Variants in DNMBP observed in about 807,000 individuals in gnomAD.
The protein encoded by DNMBP is dynamin binding protein, also known as dynamin-binding protein.
In DNMBP, 87 loss-of-function variants were observed where a neutral mutation model predicts 150.0. The observed-to-expected ratio is 0.58, with a 90% CI of 0.49 to 0.69. DNMBP has a LOEUF of 0.69. Among genes scored for constraint, DNMBP ranks in the 30% least tolerant of loss-of-function variants. The pLI, the probability that DNMBP is intolerant of heterozygous loss-of-function variation, is 0.00. For missense variants in DNMBP, 1,774 were observed against 1,949.0 expected (o/e 0.91, Z 1.69); for synonymous variants, 711 against 750.4 (o/e 0.95, Z 0.86).
At chr10:99,951,662 T>C (rs1192503160) in intron 4 of DNMBP, among the ~76,000 whole-genome samples, 3 of 152,250 alleles carry the variant, frequency 2.0e-5, no homozygotes, top group African/African-American at 2.4e-5. Context: ...GTGGGGCCTG[T>C]AGCCCCTTTG....
At chr10:99,982,891 C>T (rs2040793496) in intron 1 of DNMBP, among the ~76,000 whole-genome samples, 1 of 151,896 alleles carries the variant, frequency 6.6e-6, no homozygotes, top group South Asian at 2.1e-4. Context: ...TTGCTTGAAC[C>T]TGGGAAGTGG....
In DNMBP at chr10:99,883,976, T is replaced by C. The variant is rs551198081; in HGVS notation, c.3997+35A>G. On this transcript the variant is annotated intron_variant, in intron 15 of 16. Transcript: ENST00000324109. Reference sequence around the variant, plus strand: ...GCAGCCAAAACTACTATTTTTTTTTTCCAGTTACAGTCCTCTGCTGCTTAA... The same window carrying C: ...GCAGCCAAAACTACTATTTTTTTTTCCCAGTTACAGTCCTCTGCTGCTTAA... The C allele has an allele frequency of 5.7e-6, 9 of 1,582,334 alleles. No homozygotes were observed. The African/African-American group carries it at 6.8e-5, about 12-fold the overall frequency.
chr10:99,954,493 C>A (rs2040460217), intron 4 of DNMBP, among the ~76,000 whole-genome samples: 1 of 151,706 alleles, frequency 6.6e-6, no homozygotes, highest in Admixed American at 6.6e-5. Flanking sequence ...GCCTGTAATC[C>A]CAGCACTTTG....
At chr10:99,918,683 T>C (rs2039992619) in intron 4 of DNMBP, among the ~76,000 whole-genome samples, 1 of 151,782 alleles carries the variant, frequency 6.6e-6, no homozygotes, top group South Asian at 2.1e-4. Context: ...TATCCTGCCT[T>C]AGCCTCCCGA....
At chr10:99,905,859 G>A (rs990641256) in intron 6 of DNMBP, among the ~76,000 whole-genome samples, 2 of 152,162 alleles carry the variant, frequency 1.3e-5, no homozygotes, top group African/African-American at 4.8e-5. Flanking sequence ...AGTTCCAGCT[G>A]CTCAGGGAGC....
At chr10:99,987,110 G>A (rs557054530) in intron 1 of DNMBP, among the ~76,000 whole-genome samples, 25 of 150,022 alleles carry the variant, frequency 1.7e-4, no homozygotes, top group African/African-American at 3.7e-4. Context: ...AGCTGAGATC[G>A]CGCCACTGCA....
chr10:99,929,360 C>T (rs546155443), intron 4 of DNMBP, among the ~76,000 whole-genome samples: 7 of 152,108 alleles, frequency 4.6e-5, no homozygotes, highest in Non-Finnish European at 8.8e-5. Context: ...AACCAGGAAG[C>T]GTAAATAAAA....
intron 6 of DNMBP, among the ~76,000 whole-genome samples, chr10:99,905,901 C>T (rs548389742): frequency 1.9e-4 from 29 of 152,190 alleles, no homozygotes; most frequent in African/African-American, 4.8e-4. Flanking sequence ...CCTGGGTAAT[C>T]GAGGCTGTGG....
chr10:99,909,984 A>G (rs561746123), intron 4 of DNMBP, among the ~76,000 whole-genome samples: 1 of 152,370 alleles, frequency 6.6e-6, no homozygotes, highest in Non-Finnish European at 1.5e-5. Flanking sequence ...ATCTGAAATG[A>G]GCATTAAACA....
chr10:99,886,952 C>T (rs1187815262), intron 12 of DNMBP, among the ~76,000 whole-genome samples: 2 of 152,134 alleles, frequency 1.3e-5, no homozygotes, highest in East Asian at 1.9e-4. Context: ...AGAAACCAGC[C>T]GTGAAGTTTA....
chr10:99,941,208 T>G (rs555993441), intron 4 of DNMBP, among the ~76,000 whole-genome samples: 10 of 152,048 alleles, frequency 6.6e-5, no homozygotes, highest in Admixed American at 1.3e-4. Flanking sequence ...CGTGAAACCG[T>G]TTTTCCATTT....
chr10:100,002,983 T>A (rs1444501038), intron 1 of DNMBP, among the ~76,000 whole-genome samples: 1 of 152,170 alleles, frequency 6.6e-6, no homozygotes, highest in Non-Finnish European at 1.5e-5. Flanking sequence ...CCCGTTAGTG[T>A]AGCAGCTGTT....
At chr10:99,969,062 G>C (rs2040648972) in intron 3 of DNMBP, 53 bp downstream of exon 3, 1 of 1,603,522 alleles carries the variant, frequency 6.2e-7, no homozygotes, top group African/African-American at 1.3e-5. Flanking sequence ...GTCGAAACGG[G>C]CAGACTCCAA....
chr10:99,967,109 C>T (rs1164896213), intron 3 of DNMBP, among the ~76,000 whole-genome samples: 3 of 151,960 alleles, frequency 2.0e-5, no homozygotes, highest in African/African-American at 7.3e-5. Flanking sequence ...CTTATCAATC[C>T]TAATGATACT....
At chr10:99,914,109 C>A (rs954619428) in intron 4 of DNMBP, 1 of 1,362,566 alleles carries the variant, frequency 7.3e-7, no homozygotes, top group African/African-American at 1.5e-5. Flanking sequence ...ACATATGAAT[C>A]GCGCAAGTCA....
chr10:99,958,879 C>T (rs1405294905), intron 3 of DNMBP, among the ~76,000 whole-genome samples: 1 of 152,204 alleles, frequency 6.6e-6, no homozygotes, highest in South Asian at 2.1e-4. Flanking sequence ...AGTTTCAGAT[C>T]CCACACTGCA....
At chr10:99,964,602 G>A (rs1378825170) in intron 3 of DNMBP, among the ~76,000 whole-genome samples, 2 of 151,498 alleles carry the variant, frequency 1.3e-5, no homozygotes, top group Admixed American at 1.3e-4. Flanking sequence ...CAGGCGTGGT[G>A]GCTCATGCCT....
Position 99,892,823 on chromosome 10 carries a change from C to T in DNMBP, c.3156+2123G>A, listed in dbSNP as rs2039593733. Among the ~76,000 whole-genome samples, 3 of 152,140 alleles carry T rather than the reference C, an allele frequency of 2.0e-5. No homozygotes were observed. The South Asian group carries it at 6.2e-4, about 32-fold the overall frequency. ...AAATGTTGGAACAGCAAAGTCCTTT[C>T]TACATATGACACAAAACTAAGAAGC... is the stretch of plus-strand genomic sequence containing the variant. On this transcript the variant is annotated intron_variant, in intron 11 of 16. Transcript: ENST00000324109.
Position 99,884,067 on chromosome 10 carries a change from A to G in DNMBP, c.3941T>C (p.Val1314Ala). 2 of 1,613,724 alleles carry G rather than the reference A, an allele frequency of 1.2e-6. No individual in the cohort carries two copies. The highest frequency in any genetic ancestry group is 2.2e-5 in the South Asian group (2 of 91,054). Reference protein sequence around the residue: ...VSLLEGDLVGVIKKKDPMGSQ... With the variant: ...VSLLEGDLVGAIKKKDPMGSQ... Reference sequence around the variant, plus strand: ...GCCCATGGGGTCTTTTTTCTTAATCACACCCACCAGGTCACCTTCCAAAAG... The same window carrying G: ...GCCCATGGGGTCTTTTTTCTTAATCGCACCCACCAGGTCACCTTCCAAAAG... The change falls in exon 15 of 17, where the codon GTG (valine) becomes GCG (alanine). Residue 1314 changes from valine (V) to alanine (A), a missense_variant. This residue lies in a region of DNMBP where 1,430 missense variants were observed against 1,492.5 expected (regional missense o/e 0.96). Transcript: ENST00000324109.
Sources: gnomAD v4.1 joint callset for allele counts (sites outside exome capture counted in the v4.1 genomes callset) on GRCh38, gnomAD v4.1.1 for gene constraint, gnomAD v4.1.1 regional missense constraint, MANE v1.5 for transcripts, NCBI Gene and HGNC (gene_info 2026-07-23, HGNC 2026-07-21) for gene names.